The following COL22A1 variants were observed in gnomAD, a reference collection of about 807,000 sequenced individuals.
COL22A1 encodes the protein collagen alpha-1(XXII) chain.
A neutral mutation model predicts 248.9 loss-of-function variants in COL22A1; 221 were observed. The ratio of observed to expected loss-of-function variants is 0.89; its 90% CI spans 0.80 to 0.99. COL22A1 has a LOEUF of 0.99. COL22A1 is among the 50% of genes least tolerant of loss of function. COL22A1 has a pLI of 0.00. For synonymous variants in COL22A1, 891 were observed against 793.4 expected (o/e 1.12, Z -2.07); for missense variants, 2,240 against 2,179.0 (o/e 1.03, Z -0.56).
At chr8:138,704,831 C>T (rs1828280363) in intron 30 of COL22A1, among the ~76,000 whole-genome samples, 1 of 152,180 alleles carries the variant, frequency 6.6e-6, no homozygotes, top group Admixed American at 6.5e-5. Flanking sequence ...ACAAACTTCA[C>T]TGAGCTAAAG....
At chr8:138,776,909 C>G (rs1223264009) in intron 15 of COL22A1, among the ~76,000 whole-genome samples, 1 of 152,198 alleles carries the variant, frequency 6.6e-6, no homozygotes, top group African/African-American at 2.4e-5. Context: ...GGCTACTGCC[C>G]TACTCTGAGA....
At chr8:138,633,260 T>C (rs1405352696) in intron 49 of COL22A1, among the ~76,000 whole-genome samples, 2 of 152,186 alleles carry the variant, frequency 1.3e-5, no homozygotes, top group Non-Finnish European at 2.9e-5. Flanking sequence ...CGACACAAAA[T>C]AGAAGCTCAA....
At chr8:138,811,705 G>T (rs1420866987) in intron 9 of COL22A1, 94 bp downstream of exon 9, 16 of 1,460,296 alleles carry the variant, frequency 1.1e-5, no homozygotes, top group Non-Finnish European at 1.5e-5. Flanking sequence ...GCCTCCTGGT[G>T]CCCCCCTGAC....
At chr8:138,900,097 G>A (rs1372891044) in intron 1 of COL22A1, among the ~76,000 whole-genome samples, 1 of 152,106 alleles carries the variant, frequency 6.6e-6, no homozygotes. Context: ...CTCATGTTCT[G>A]GGCAGTGAAA....
In COL22A1 at chr8:138,844,122, C is replaced by T. The variant is rs779587842; in HGVS notation, c.695G>A (p.Arg232His). 3.2e-5 allele frequency: 52 copies of T among 1,614,084 alleles called. No individual in the cohort carries two copies. Among genetic ancestry groups the T allele is most frequent in the Middle Eastern group, 1.6e-4 (1 of 6,084 alleles). Reference sequence around the variant, plus strand: ...GGTTCCTCCATTGGTGTGCTTAAAGCGATCTCCTTCTACACGAACGCTAGG... The same window carrying T: ...GGTTCCTCCATTGGTGTGCTTAAAGTGATCTCCTTCTACACGAACGCTAGG... ...LCPSVRVEGD[R>H]FKHTNGGTKE... The change falls in exon 4 of 65, where the codon CGC becomes CAC. Residue 232 changes from arginine to histidine, a missense_variant. Transcript: ENST00000303045.
At chr8:138,692,446 GGT>G (rs1214558724) in intron 35 of COL22A1, among the ~76,000 whole-genome samples, 20 of 145,678 alleles carry the variant, frequency 1.4e-4, no homozygotes, top group African/African-American at 4.3e-4. Context: ...TGTGTGTGGA[GGT>G]GTGTGTGTGA....
In COL22A1 at chr8:138,878,138, G is replaced by A. The variant is rs770455783; in HGVS notation, c.270C>T (p.Phe90=). 2.1e-5 allele frequency: 34 copies of A among 1,605,918 alleles called. No homozygotes were observed. The highest frequency in any genetic ancestry group is 1.9e-4 in the African/African-American group (14 of 74,888). The change falls in exon 3 of 65, where the codon TTC becomes TTT. Residue 90 remains phenylalanine, a synonymous_variant. Coordinates refer to ENST00000303045, the MANE Select transcript of COL22A1 (RefSeq NM_152888.3). ...CCTGCGAGCCAAAGAGTCCCAACTCGAAGGCCGTGGTGGGCCGGTCGCTGT... is the reference window on the plus strand; with the variant it reads ...CCTGCGAGCCAAAGAGTCCCAACTCAAAGGCCGTGGTGGGCCGGTCGCTGT... ...VRYSDRPTTA[F]ELGLFGSQEE... is the part of the protein sequence containing the mutation.
intron 21 of COL22A1, among the ~76,000 whole-genome samples, chr8:138,753,624 T>A (rs568915648): frequency 2.8e-4 from 42 of 152,352 alleles, no homozygotes; most frequent in Non-Finnish European, 5.0e-4. Context: ...TGCTTGCAGT[T>A]ATTTCTTTTT....
intron 3 of COL22A1, among the ~76,000 whole-genome samples, chr8:138,863,167 C>T (rs1306696915): frequency 3.9e-5 from 6 of 152,198 alleles, no homozygotes; most frequent in African/African-American, 1.2e-4. Flanking sequence ...GCCGGCTCCC[C>T]GTTTCTTTCC....
intron 12 of COL22A1, among the ~76,000 whole-genome samples, chr8:138,796,389 C>CTTTTTTTTTTTTTTTT (rs11284610): frequency 3.4e-4 from 9 of 26,314 alleles, no homozygotes; most frequent in Non-Finnish European, 4.2e-4. Context: ...TGCTACTTTC[C>CTTTTTTTTTTTTTTTT]TTTTTTTTTT....
chr8:138,744,600 G>A (rs1202200379), intron 22 of COL22A1, among the ~76,000 whole-genome samples: 1 of 152,096 alleles, frequency 6.6e-6, no homozygotes, highest in Non-Finnish European at 1.5e-5. Flanking sequence ...TACAGCCTGG[G>A]TAACACTCAG....
In COL22A1 at chr8:138,690,847, C is replaced by CG. The variant is rs757423989; in HGVS notation, c.2781dup (p.Gly928ArgfsTer26). The stretch of plus-strand genomic sequence containing the variant: ...ACACTTCCTGGAGGGCCACTGGGAC[C>CG]GGGGGCACCGACATGTCCGGGAGCA... On this transcript the variant is annotated frameshift_variant, in exon 36 of 65. Transcript: ENST00000303045. LOFTEE classifies it high-confidence loss of function. 2 of 1,610,174 alleles carry CG rather than the reference C, an allele frequency of 1.2e-6. No individual in the cohort carries two copies. The highest frequency in any genetic ancestry group is 3.4e-5 in the Admixed American group (2 of 59,674).
intron 5 of COL22A1, among the ~76,000 whole-genome samples, chr8:138,827,502 G>T (rs563497587): frequency 6.6e-6 from 1 of 151,872 alleles, no homozygotes; most frequent in Non-Finnish European, 1.5e-5. Flanking sequence ...CTTAGCTTAC[G>T]GTGCTTTGTC....
In COL22A1 at chr8:138,752,183, C is replaced by T. The variant is rs76586230; in HGVS notation, c.2032-672G>A. On this transcript the variant is annotated intron_variant, in intron 21 of 64. Transcript: ENST00000303045. ...GGGTTCTAAAGCTGGGGCACAGCAC[C>T]CAGGTCCCCTGACAGAACCCTGATT... Among the ~76,000 whole-genome samples the T allele has an allele frequency of 5.3e-3, 801 of 152,284 alleles. 11 individuals are homozygous for T. Among genetic ancestry groups the T allele is most frequent in the African/African-American group, 0.018 (731 of 41,566 alleles).
intron 12 of COL22A1, among the ~76,000 whole-genome samples, chr8:138,782,022 C>A (rs1815055958): frequency 6.6e-6 from 1 of 152,264 alleles, no homozygotes; most frequent in Non-Finnish European, 1.5e-5. Flanking sequence ...CAAAGCATAT[C>A]AGATATATTT....
chr8:138,747,183 C>T lies in COL22A1; in HGVS notation c.2085+4275G>A, dbSNP rs559283774. Among the ~76,000 whole-genome samples the T allele has an allele frequency of 3.3e-5, 5 of 152,288 alleles. No individual in the cohort carries two copies. In the South Asian group the frequency reaches 1.0e-3, roughly 32 times the overall value. On this transcript the variant is annotated intron_variant, in intron 22 of 64. Coordinates refer to ENST00000303045, the MANE Select transcript of COL22A1 (RefSeq NM_152888.3). ...CATGATGTGATGATTTTAGGACTTGCTTTCAGTGAATTCAGTGGTGGGTAG... is the reference window on the plus strand; with the variant it reads ...CATGATGTGATGATTTTAGGACTTGTTTTCAGTGAATTCAGTGGTGGGTAG...
chr8:138,603,525 C>T (rs1259043221), intron 59 of COL22A1, among the ~76,000 whole-genome samples: 1 of 152,168 alleles, frequency 6.6e-6, no homozygotes, highest in African/African-American at 2.4e-5. Flanking sequence ...ATCTGGAAGA[C>T]TTAGGATGCC....
chr8:138,639,804 C>T (rs184681960), intron 47 of COL22A1, among the ~76,000 whole-genome samples: 472 of 152,322 alleles, frequency 3.1e-3, no homozygotes, highest in African/African-American at 0.01. Flanking sequence ...TATTCCTATC[C>T]ATCTCCCAGT....
intron 47 of COL22A1, among the ~76,000 whole-genome samples, chr8:138,642,629 T>C (rs558647361): frequency 1.3e-5 from 2 of 152,352 alleles, no homozygotes; most frequent in East Asian, 3.9e-4. Flanking sequence ...GGGCCGTTAC[T>C]GAAAACATCA....
Sources: gnomAD v4.1 joint callset for allele counts (sites outside exome capture counted in the v4.1 genomes callset) on GRCh38, gnomAD v4.1.1 for gene constraint, MANE v1.5 for transcripts, NCBI Gene and HGNC (gene_info 2026-07-23, HGNC 2026-07-21) for gene names.